Variants in THAP5 observed in about 807,000 individuals in gnomAD.
THAP5 encodes THAP domain containing 5, also known as THAP domain-containing protein 5.
Under a neutral mutation model 34.0 loss-of-function variants are expected in THAP5, and 26 were observed. That is an observed-to-expected ratio of 0.77 (90% CI 0.56 to 1.06). The LOEUF is 1.06. THAP5 is among the 50% of genes least tolerant of loss of function. The pLI, the probability that THAP5 is intolerant of heterozygous loss-of-function variation, is 0.00. For synonymous variants in THAP5, 125 were observed against 153.0 expected, an observed-to-expected ratio of 0.82 and a Z score of 1.35; for missense variants, 394 against 452.8, an observed-to-expected ratio of 0.87 and a Z score of 1.18.
chr7:108,565,589 TA>T (rs1020152389), intron 2 of THAP5: 74 of 309,332 alleles, frequency 2.4e-4, no homozygotes, highest in African/African-American at 1.6e-3. Flanking sequence ...GTATAAAAAA[TA>T]AAACTCATGA....
chr7:108,569,689 G>A lies in THAP5; in HGVS notation c.-120C>T, dbSNP rs942937040. 2.2e-6 allele frequency: 3 copies of A among 1,336,340 alleles called. No homozygotes were observed. The highest frequency in any genetic ancestry group is 1.3e-5 in the South Asian group (1 of 77,872). 82.8% of individuals were successfully genotyped at this position (1,336,340 alleles called of 1,614,324 possible). ...CCTGCGCCTGCGCTAGCATTCTGCC[G>A]GGAAAGCCGCCTCGTCTGTCGACTC... On this transcript the variant is annotated 5_prime_UTR_variant, in exon 1 of 3. Coordinates refer to ENST00000415914, the MANE Select transcript of THAP5 (RefSeq NM_001130475.3).
At chr7:108,555,244 A>AACCT (rs1864378089) in intron 1 of THAP5, among the ~76,000 whole-genome samples, 1 of 151,976 alleles carries the variant, frequency 6.6e-6, no homozygotes, top group African/African-American at 2.4e-5. Flanking sequence ...GGCTCACTGA[A>AACCT]ACCTCTGCCT....
At chr7:108,547,689 T>C in the THAP5 span, among the ~76,000 whole-genome samples, 1 of 152,354 alleles carries the variant, frequency 6.6e-6, no homozygotes, top group Admixed American at 6.5e-5. Flanking sequence ...CTTTTAGATA[T>C]GGGACACTTT....
At chr7:108,552,546 T>A (rs1864360222), downstream of THAP5, among the ~76,000 whole-genome samples, 3 of 152,364 alleles carry the variant, frequency 2.0e-5, no homozygotes, top group Admixed American at 2.0e-4. Context: ...ACGCCTGTAA[T>A]CCCAACACTT....
the THAP5 span, among the ~76,000 whole-genome samples, chr7:108,543,313 G>A: frequency 6.6e-6 from 1 of 152,100 alleles, no homozygotes; most frequent in African/African-American, 2.4e-5. Flanking sequence ...ATAGCAAATT[G>A]CTTTCCCAAG....
chr7:108,566,255 A>G (rs1195593473), intron 1 of THAP5, among the ~76,000 whole-genome samples: 1 of 152,182 alleles, frequency 6.6e-6, no homozygotes, highest in Non-Finnish European at 1.5e-5. Flanking sequence ...ATCTGATAAG[A>G]GCTGAACATA....
rs1316820257 is a variant in THAP5, at chr7:108,564,007, C to T, written c.*184G>A. ...CAAGTAATAAAACTGCTTTTCTCTC[C>T]AGCCCAACTCTCTGGTTTTTCTTAA... On this transcript the variant is annotated 3_prime_UTR_variant, in exon 3 of 3. Transcript: ENST00000415914. 1.0e-5 allele frequency: 5 copies of T among 485,102 alleles called. No homozygotes were observed. Among genetic ancestry groups the T allele is most frequent in the Non-Finnish European group, 1.8e-5 (5 of 283,218 alleles). 30.0% of individuals were successfully genotyped at this position (485,102 alleles called of 1,614,324 possible).
At chr7:108,544,486 G>A in the THAP5 span, among the ~76,000 whole-genome samples, 340 of 151,438 alleles carry the variant, frequency 2.2e-3, 1 homozygote, top group African/African-American at 7.4e-3. Context: ...AGCCGAGATC[G>A]CGCCACTGCA....
chr7:108,542,472 T>G, the THAP5 span, among the ~76,000 whole-genome samples: 2 of 152,242 alleles, frequency 1.3e-5, no homozygotes, highest in Non-Finnish European at 1.5e-5. Flanking sequence ...TGTTTTGTTT[T>G]GTTTTTGGAG....
chr7:108,558,377 G>GTGTGTGTATATATATATA (rs1401164750), downstream of THAP5, among the ~76,000 whole-genome samples: 1,252 of 62,130 alleles, frequency 0.02, 50 homozygotes, highest in African/African-American at 0.032. Flanking sequence ...ATGTGTGTGT[G>GTGTGTGTATATATATATA]TATGTATATA....
chr7:108,557,028 T>C (rs1864391226), intron 1 of THAP5, among the ~76,000 whole-genome samples: 1 of 152,244 alleles, frequency 6.6e-6, no homozygotes, highest in Non-Finnish European at 1.5e-5. Context: ...TTGCACCCTC[T>C]GAAGCAATAG....
At chr7:108,561,354 C>T (rs1026726421), downstream of THAP5, among the ~76,000 whole-genome samples, 1 of 151,866 alleles carries the variant, frequency 6.6e-6, no homozygotes, top group African/African-American at 2.4e-5. Context: ...GGCTCTACCT[C>T]CTGAGCTCAA....
the THAP5 span, among the ~76,000 whole-genome samples, chr7:108,546,559 G>A: frequency 1.3e-5 from 2 of 152,208 alleles, no homozygotes; most frequent in South Asian, 2.1e-4. Flanking sequence ...CGAGGAGGAA[G>A]AAGAGAAGGA....
upstream of THAP5, chr7:108,569,741 C>A (rs1790574731): frequency 1.2e-6 from 1 of 839,512 alleles, no homozygotes; most frequent in African/African-American, 1.7e-5. Flanking sequence ...GTTTAAGCAC[C>A]GCCTTTTCGG....
intron 1 of THAP5, chr7:108,569,284 T>A: frequency 7.0e-7 from 1 of 1,433,246 alleles, no homozygotes; most frequent in Non-Finnish European, 9.1e-7. Context: ...CTCCTGGGCC[T>A]CGCCACCAGC....
At chr7:108,560,738 T>C (rs771398356), downstream of THAP5, among the ~76,000 whole-genome samples, 1 of 152,182 alleles carries the variant, frequency 6.6e-6, no homozygotes, top group South Asian at 2.1e-4. Context: ...GGCACAACTG[T>C]ACTGCAACTT....
intron 1 of THAP5, among the ~76,000 whole-genome samples, chr7:108,566,760 T>C (rs561504348): frequency 6.6e-6 from 1 of 152,186 alleles, no homozygotes; most frequent in Non-Finnish European, 1.5e-5. Flanking sequence ...AAGACAGCGC[T>C]GTATACATTT....
At chr7:108,543,899 T>C in the THAP5 span, among the ~76,000 whole-genome samples, 1 of 152,150 alleles carries the variant, frequency 6.6e-6, no homozygotes, top group Non-Finnish European at 1.5e-5. Flanking sequence ...TAGGAAGTTA[T>C]ACAAGTCACC....
rs962000150 is a variant in THAP5 at position 108,562,874 on chromosome 7, C to T, written c.*1317G>A. The T allele has an allele frequency of 6.6e-5, 10 of 152,084 alleles. No individual in the cohort carries two copies. Among genetic ancestry groups the T allele is most frequent in the African/African-American group, 2.4e-4 (10 of 41,412 alleles). 9.4% of individuals were successfully genotyped at this position (152,084 alleles called of 1,614,324 possible). On this transcript the variant is annotated 3_prime_UTR_variant, in exon 3 of 3. Transcript: ENST00000415914. The stretch of plus-strand genomic sequence containing the variant: ...ATTCTTTGTCTCCCTAAGATCATGA[C>T]CACTTATGTATAATTTCTTGCTTAT...
Sources: gnomAD v4.1 joint callset for allele counts (sites outside exome capture counted in the v4.1 genomes callset) on GRCh38, gnomAD v4.1.1 for gene constraint, MANE v1.5 for transcripts, NCBI Gene and HGNC (gene_info 2026-07-23, HGNC 2026-07-21) for gene names.